DPP10: variants seen among roughly 807,000 people sequenced by gnomAD.
The protein encoded by DPP10 is dipeptidyl peptidase like 10, also known as inactive dipeptidyl peptidase 10.
A neutral mutation model predicts 120.9 loss-of-function variants in DPP10; 33 were observed. The ratio of observed to expected loss-of-function variants is 0.27; its 90% confidence interval spans 0.21 to 0.37. DPP10 has a LOEUF of 0.37. Ranked by LOEUF, DPP10 falls within the 10% of genes least tolerant of loss-of-function variation. The pLI, the probability that DPP10 is intolerant of heterozygous loss-of-function variation, is 1.00. For missense variants in DPP10, 816 were observed against 942.8 expected, an observed-to-expected ratio of 0.87 and a Z score of 1.76; for synonymous variants, 337 against 326.1, an observed-to-expected ratio of 1.03 and a Z score of -0.36.
intron 5 of DPP10, 23 bp from the exon 6 acceptor site, chr2:115,689,664 T>G (rs2091199000): frequency 7.1e-7 from 1 of 1,403,556 alleles, no homozygotes; most frequent in African/African-American, 1.4e-5. Context: ...CTATGATCAA[T>G]AATGTTTCTT....
intron 1 of DPP10, among the ~76,000 whole-genome samples, chr2:114,452,304 A>G (rs551581230): frequency 1.1e-3 from 165 of 152,246 alleles, no homozygotes; most frequent in Admixed American, 2.0e-3. Context: ...TACATATCCT[A>G]TATGTTGTCT....
At chr2:114,832,262 G>A (rs994547634) in intron 1 of DPP10, among the ~76,000 whole-genome samples, 2 of 152,206 alleles carry the variant, frequency 1.3e-5, no homozygotes, top group African/African-American at 2.4e-5. Context: ...GGCCGGGGGT[G>A]GTGGCTCACG....
chr2:115,107,757 C>T (rs902228762), intron 1 of DPP10, among the ~76,000 whole-genome samples: 1 of 151,776 alleles, frequency 6.6e-6, no homozygotes, highest in African/African-American at 2.4e-5. Flanking sequence ...TGATTTGTTC[C>T]GTTAGTATAT....
At chr2:115,741,837 C>G (rs1243445538) in intron 9 of DPP10, among the ~76,000 whole-genome samples, 1 of 152,050 alleles carries the variant, frequency 6.6e-6, no homozygotes, top group Non-Finnish European at 1.5e-5. Flanking sequence ...CTTGGCCATG[C>G]CTAGGCCTCA....
chr2:115,666,536 A>T (rs898104491), intron 5 of DPP10, among the ~76,000 whole-genome samples: 3 of 152,172 alleles, frequency 2.0e-5, no homozygotes, highest in African/African-American at 7.2e-5. Flanking sequence ...AGCCAAACAT[A>T]TCAAAGGTTA....
At chr2:115,062,128 CTGTGTGTGTGTGTGTGTGTGTGTG>C (rs61413782) in intron 1 of DPP10, among the ~76,000 whole-genome samples, 1 of 143,880 alleles carries the variant, frequency 7.0e-6, no homozygotes, top group East Asian at 2.0e-4. Flanking sequence ...GATTACAGTT[CTGTGTGTGTGTGTGTGTGTGTGTG>C]TGTGTGTGTG....
chr2:115,165,035 A>T (rs1164884629), intron 1 of DPP10, among the ~76,000 whole-genome samples: 4 of 152,252 alleles, frequency 2.6e-5, no homozygotes, highest in Non-Finnish European at 5.9e-5. Flanking sequence ...AAATGCCTTG[A>T]CATGACTAGA....
intron 1 of DPP10, among the ~76,000 whole-genome samples, chr2:114,699,609 C>A (rs1265783079): frequency 1.3e-5 from 2 of 152,032 alleles, no homozygotes; most frequent in Non-Finnish European, 2.9e-5. Flanking sequence ...ACATTGTAAA[C>A]CCTAGAGCTG....
chr2:114,717,630 A>G (rs1328758157), intron 1 of DPP10, among the ~76,000 whole-genome samples: 4 of 152,336 alleles, frequency 2.6e-5, no homozygotes, highest in Admixed American at 6.5e-5. Context: ...TAGATACTTG[A>G]TGTTGCTACA....
chr2:114,500,014 C>T (rs1381376112), intron 1 of DPP10, among the ~76,000 whole-genome samples: 1 of 152,208 alleles, frequency 6.6e-6, no homozygotes, highest in Non-Finnish European at 1.5e-5. Context: ...AACTCACTGG[C>T]CCCTCTCCTT....
intron 5 of DPP10, among the ~76,000 whole-genome samples, chr2:115,552,003 A>T (rs370804733): frequency 2.0e-5 from 3 of 152,186 alleles, no homozygotes; most frequent in East Asian, 3.9e-4. Context: ...GATGCCTGTG[A>T]CCTTGCTGTA....
intron 1 of DPP10, among the ~76,000 whole-genome samples, chr2:115,177,275 C>T (rs111677898): frequency 4.6e-5 from 7 of 152,222 alleles, no homozygotes; most frequent in African/African-American, 1.7e-4. Flanking sequence ...CCTTGTCTCC[C>T]GTAATGAACT....
At chr2:115,302,923 C>T (rs1384024808) in intron 1 of DPP10, among the ~76,000 whole-genome samples, 1 of 152,008 alleles carries the variant, frequency 6.6e-6, no homozygotes, top group Non-Finnish European at 1.5e-5. Flanking sequence ...TTTTAAGAAG[C>T]AGTAGGCGGA....
chr2:115,332,169 A>C (rs1477470433), intron 2 of DPP10, among the ~76,000 whole-genome samples: 1 of 152,190 alleles, frequency 6.6e-6, no homozygotes, highest in African/African-American at 2.4e-5. Context: ...GTGTGTGTCC[A>C]GGAATTTATC....
intron 24 of DPP10, 67 bp downstream of exon 24, chr2:115,836,813 A>C: frequency 6.9e-7 from 1 of 1,449,914 alleles, no homozygotes; most frequent in Non-Finnish European, 9.4e-7. Flanking sequence ...ACATCTAAGG[A>C]CTTGCTTACA....
intron 1 of DPP10, among the ~76,000 whole-genome samples, chr2:114,558,782 TCTC>T (rs750891543): frequency 4.6e-5 from 7 of 152,222 alleles, no homozygotes; most frequent in Admixed American, 1.3e-4. Flanking sequence ...TTCAACACAT[TCTC>T]CTCCCATGCT....
intron 1 of DPP10, among the ~76,000 whole-genome samples, chr2:114,819,318 A>G (rs1685895906): frequency 6.6e-6 from 1 of 152,032 alleles, no homozygotes; most frequent in Admixed American, 6.6e-5. Context: ...CTAGCTACCA[A>G]CTAGCTTTGA....
chr2:114,744,256 T>G (rs1678349686), intron 1 of DPP10, among the ~76,000 whole-genome samples: 1 of 152,192 alleles, frequency 6.6e-6, no homozygotes, highest in South Asian at 2.1e-4. Flanking sequence ...AGAAGATGTT[T>G]GAGCAAAGAG....
chr2:115,598,740 G>A (rs957229753), intron 5 of DPP10, among the ~76,000 whole-genome samples: 2 of 149,918 alleles, frequency 1.3e-5, no homozygotes, highest in African/African-American at 4.9e-5. Flanking sequence ...CATTTTTAAT[G>A]CGGTTTGTTT....
Sources: allele counts gnomAD v4.1 joint callset (sites outside exome capture counted in the v4.1 genomes callset), GRCh38; gene constraint gnomAD v4.1.1; transcripts MANE v1.5; gene names NCBI Gene and HGNC (gene_info 2026-07-23, HGNC 2026-07-21).